AUH: variants seen among roughly 807,000 people sequenced by gnomAD.
AUH encodes AU RNA binding methylglutaconyl-CoA hydratase, also known as methylglutaconyl-CoA hydratase, mitochondrial.
A neutral mutation model predicts 42.3 loss-of-function variants in AUH; 29 were observed. That is an observed-to-expected ratio of 0.69 (90% CI 0.51 to 0.93). The LOEUF is 0.93. Among genes scored for constraint, AUH ranks in the 40% least tolerant of loss-of-function variants. AUH has a pLI of 0.00. For synonymous variants in AUH, 174 were observed against 166.4 expected (o/e 1.05, Z -0.35); for missense variants, 452 against 438.1 (o/e 1.03, Z -0.28).
intron 5 of AUH, among the ~76,000 whole-genome samples, chr9:91,296,746 A>G (rs1014650668): frequency 1.3e-5 from 2 of 152,282 alleles, no homozygotes; most frequent in South Asian, 2.1e-4. Flanking sequence ...TGATTTCATT[A>G]CAAGAAAATA....
At chr9:91,348,729 A>G (rs1831724313) in intron 3 of AUH, among the ~76,000 whole-genome samples, 2 of 152,230 alleles carry the variant, frequency 1.3e-5, no homozygotes, top group Non-Finnish European at 2.9e-5. Context: ...GGAGATTAGT[A>G]CTTTCAGAGA....
chr9:91,272,560 T>A (rs1206275306), intron 6 of AUH, among the ~76,000 whole-genome samples: 3 of 152,162 alleles, frequency 2.0e-5, no homozygotes, highest in African/African-American at 7.2e-5. Flanking sequence ...ACCATCAGGA[T>A]TCATCTGAAA....
intron 6 of AUH, among the ~76,000 whole-genome samples, chr9:91,279,706 C>T (rs1825817959): frequency 6.6e-6 from 1 of 152,214 alleles, no homozygotes; most frequent in Non-Finnish European, 1.5e-5. Flanking sequence ...GATCCAGTCA[C>T]TTCCCACCAG....
chr9:91,229,605 A>G (rs1827742976), intron 6 of AUH, among the ~76,000 whole-genome samples: 1 of 150,592 alleles, frequency 6.6e-6, no homozygotes, highest in African/African-American at 2.4e-5. Flanking sequence ...TTATGATGTT[A>G]GCTGGTTATT....
rs115154599 is a variant in AUH, at chr9:91,313,121, T to G, written c.505+12197A>C. On this transcript the variant is annotated intron_variant, in intron 4 of 9. Coordinates refer to ENST00000375731, the MANE Select transcript of AUH (RefSeq NM_001698.3). ...TTAAAGCAGAGTAGACTTACTGAGC[T>G]GATTCAGGTAGACTGGAATCTCCTG... 9.4e-3 allele frequency among the ~76,000 whole-genome samples: 1,436 copies of G among 152,282 alleles called. 23 individuals are homozygous for G. Among genetic ancestry groups the G allele is most frequent in the African/African-American group, 0.033 (1,369 of 41,552 alleles).
Position 91,231,924 on chromosome 9 carries a change from C to A in AUH, c.656-10932G>T, listed in dbSNP as rs112852510. On this transcript the variant is annotated intron_variant, in intron 6 of 9. Coordinates refer to ENST00000375731, the MANE Select transcript of AUH (RefSeq NM_001698.3). ...ATAAGCTGAAAATTACAGGATAGCTCACAAGGCTTCCACTAAAAAACAAAG... is the reference window on the plus strand; with the variant it reads ...ATAAGCTGAAAATTACAGGATAGCTAACAAGGCTTCCACTAAAAAACAAAG... Among the ~76,000 whole-genome samples, 252 of 152,308 alleles carry A rather than the reference C, an allele frequency of 1.7e-3. 1 individual carries two copies. Among genetic ancestry groups the A allele is most frequent in the African/African-American group, 5.8e-3 (239 of 41,560 alleles).
chr9:91,284,738 T>C (rs1826261086), intron 6 of AUH, among the ~76,000 whole-genome samples: 2 of 152,072 alleles, frequency 1.3e-5, no homozygotes, highest in South Asian at 4.1e-4. Flanking sequence ...ATCAGAGAAA[T>C]GCAAATCAAA....
chr9:91,351,396 G>C (rs1011752837), intron 3 of AUH, among the ~76,000 whole-genome samples: 1 of 152,262 alleles, frequency 6.6e-6, no homozygotes, highest in Non-Finnish European at 1.5e-5. Flanking sequence ...TATAAGTATC[G>C]TATTTATATG....
chr9:91,312,581 G>A (rs1477312437), intron 4 of AUH, among the ~76,000 whole-genome samples: 2 of 152,156 alleles, frequency 1.3e-5, no homozygotes, highest in Non-Finnish European at 2.9e-5. Flanking sequence ...ATACAAAATA[G>A]CCGGCGTGGT....
chr9:91,229,983 C>T (rs1176500338), intron 6 of AUH, among the ~76,000 whole-genome samples: 6 of 151,922 alleles, frequency 3.9e-5, no homozygotes, highest in Admixed American at 6.6e-5. Flanking sequence ...TCTGGCTGCC[C>T]TTAACATTTT....
At chr9:91,260,846 C>T (rs967903908) in intron 6 of AUH, among the ~76,000 whole-genome samples, 5 of 152,202 alleles carry the variant, frequency 3.3e-5, no homozygotes, top group African/African-American at 7.2e-5. Flanking sequence ...CTGGTTTCCA[C>T]GGTGTCTATT....
chr9:91,347,346 C>A (rs192759268), intron 3 of AUH, among the ~76,000 whole-genome samples: 2 of 152,132 alleles, frequency 1.3e-5, no homozygotes, highest in Admixed American at 6.5e-5. Context: ...CATGAGCCAC[C>A]GTGCCTGGCT....
intron 3 of AUH, among the ~76,000 whole-genome samples, chr9:91,338,732 T>G (rs2131960350): frequency 6.6e-6 from 1 of 152,274 alleles, no homozygotes; most frequent in Non-Finnish European, 1.5e-5. Flanking sequence ...AAAACTCAAG[T>G]GCAAGAATAT....
intron 6 of AUH, among the ~76,000 whole-genome samples, chr9:91,279,991 G>A (rs925624464): frequency 3.9e-5 from 6 of 152,102 alleles, no homozygotes; most frequent in Non-Finnish European, 8.8e-5. Context: ...TACGTCTGTC[G>A]GATGGCATGC....
chr9:91,283,813 G>C (rs1268514109), intron 6 of AUH, among the ~76,000 whole-genome samples: 1 of 152,086 alleles, frequency 6.6e-6, no homozygotes, highest in Non-Finnish European at 1.5e-5. Flanking sequence ...AATAAAAGAG[G>C]ACACAAACAA....
At chr9:91,327,697 C>T (rs1274587281) in intron 3 of AUH, among the ~76,000 whole-genome samples, 1 of 152,230 alleles carries the variant, frequency 6.6e-6, no homozygotes, top group Non-Finnish European at 1.5e-5. Flanking sequence ...CTGGCCGGCT[C>T]GCCAAGCTGC....
chr9:91,298,187 AG>A, intron 4 of AUH, 111 bp from the exon 5 acceptor site: 1 of 787,930 alleles, frequency 1.3e-6, no homozygotes, highest in Non-Finnish European at 2.2e-6. Context: ...GATCATATAC[AG>A]ACTTTTGTAT....
intron 6 of AUH, among the ~76,000 whole-genome samples, chr9:91,265,084 C>T (rs1829898956): frequency 6.6e-6 from 1 of 151,724 alleles, no homozygotes; most frequent in Non-Finnish European, 1.5e-5. Context: ...TACACACCCA[C>T]AGTGACTCTT....
At chr9:91,287,407 G>C (rs1826504427) in intron 6 of AUH, among the ~76,000 whole-genome samples, 1 of 152,098 alleles carries the variant, frequency 6.6e-6, no homozygotes, top group African/African-American at 2.4e-5. Context: ...CAACTGTCTT[G>C]AACCAGAAAA....
Sources: gnomAD v4.1 joint callset for allele counts (sites outside exome capture counted in the v4.1 genomes callset) on GRCh38, gnomAD v4.1.1 for gene constraint, MANE v1.5 for transcripts, NCBI Gene and HGNC (gene_info 2026-07-23, HGNC 2026-07-21) for gene names.